The following CLEC4C variants were observed in gnomAD, a reference collection of about 807,000 sequenced individuals.
CLEC4C encodes C-type lectin domain family 4 member C.
Under a neutral mutation model 27.7 loss-of-function variants are expected in CLEC4C, and 17 were observed. That is an observed-to-expected ratio of 0.61 (90% CI 0.42 to 0.92). The LOEUF (loss-of-function observed/expected upper bound fraction) is 0.92. CLEC4C is among the 40% of genes least tolerant of loss of function. The pLI is 0.00. For missense variants in CLEC4C, 244 were observed against 257.3 expected (o/e 0.95, Z 0.35); for synonymous variants, 80 against 80.8 (o/e 0.99, Z 0.06).
At chr12:7,745,677 C>T (rs1342647096) in intron 2 of CLEC4C, among the ~76,000 whole-genome samples, 1 of 151,510 alleles carries the variant, frequency 6.6e-6, no homozygotes, top group Admixed American at 6.6e-5. Flanking sequence ...AGGTGATCTG[C>T]CTGCCTTGGC....
At chr12:7,746,028 A>C (rs1250933606) in intron 2 of CLEC4C, among the ~76,000 whole-genome samples, 1 of 151,576 alleles carries the variant, frequency 6.6e-6, no homozygotes, top group East Asian at 2.0e-4. Flanking sequence ...ACCCTGGCTA[A>C]CACAGTGAAA....
At chr12:7,745,580 G>A (rs1565464475) in intron 2 of CLEC4C, among the ~76,000 whole-genome samples, 1 of 151,370 alleles carries the variant, frequency 6.6e-6, no homozygotes, top group Non-Finnish European at 1.5e-5. Flanking sequence ...TTACAGGCGC[G>A]AGTCACTGCA....
chr12:7,745,406 T>C (rs1864949270), intron 2 of CLEC4C, among the ~76,000 whole-genome samples: 2 of 142,612 alleles, frequency 1.4e-5, no homozygotes, highest in Non-Finnish European at 3.0e-5. Flanking sequence ...ATCTGTTTTT[T>C]AACTCACTCA....
At chr12:7,741,363 C>A in intron 3 of CLEC4C, 58 bp downstream of exon 3, 1 of 940,376 alleles carries the variant, frequency 1.1e-6, no homozygotes, top group East Asian at 2.4e-5. Flanking sequence ...TATAAACCAT[C>A]AGACTAGGAA....
chr12:7,730,818 G>A lies in CLEC4C; in HGVS notation c.476C>T (p.Thr159Ile), dbSNP rs747496064. The change falls in exon 5 of 6, where the codon ACA becomes ATA. Residue 159 changes from threonine (T) to isoleucine (I), a missense_variant. Coordinates refer to ENST00000360345, the MANE Select transcript of CLEC4C (RefSeq NM_001371390.1). ...TCACGTGACATTTTCATTGTATGGTGTCTGGTCAACCCATTGCCAATGTCG... is the reference window on the plus strand; with the variant it reads ...TCACGTGACATTTTCATTGTATGGTATCTGGTCAACCCATTGCCAATGTCG... ...GRRHWQWVDQ[T>I]PYNENVTFWH... 6.3e-7 allele frequency: 1 copy of A among 1,595,688 alleles called. No individual in the cohort carries two copies. Among genetic ancestry groups the A allele is most frequent in the Non-Finnish European group, 8.6e-7 (1 of 1,163,566 alleles).
In CLEC4C at chr12:7,747,299, T is replaced by G. The variant is rs1330439875; in HGVS notation, c.31+19A>C. On this transcript the variant is annotated intron_variant, in intron 1 of 5. Coordinates refer to ENST00000360345, the MANE Select transcript of CLEC4C (RefSeq NM_001371390.1). ...CTGCTCCTACTACCTTCCCTAGAAC[T>G]GAGAAGATGAGTGCTTACCTCGGTC... 1.2e-6 allele frequency: 2 copies of G among 1,613,176 alleles called. No homozygotes were observed. The highest frequency in any genetic ancestry group is 3.3e-5 in the Admixed American group (2 of 60,012).
At position 7,739,515 on chromosome 12, in the gene CLEC4C, C is replaced by A. The variant is rs143230805; in HGVS notation, c.235+1906G>T. Among the ~76,000 whole-genome samples the A allele has an allele frequency of 3.5e-3, 530 of 152,162 alleles. 4 individuals carry two copies. Among genetic ancestry groups the A allele is most frequent in the African/African-American group, 0.012 (493 of 41,520 alleles). On this transcript the variant is annotated intron_variant, in intron 3 of 5. Transcript: ENST00000360345. Reference sequence around the variant, plus strand: ...TTTCTGGGGTGGAACTTGTCTCCCTCCGGCTCTGCATACGACGCTGTAGGC... The same window carrying A: ...TTTCTGGGGTGGAACTTGTCTCCCTACGGCTCTGCATACGACGCTGTAGGC...
At chr12:7,743,393 TTC>T (rs1356671521) in intron 2 of CLEC4C, among the ~76,000 whole-genome samples, 3 of 150,562 alleles carry the variant, frequency 2.0e-5, no homozygotes, top group African/African-American at 7.3e-5. Flanking sequence ...TTTTTTTTTT[TTC>T]TTTTTTTGAG....
intron 1 of CLEC4C, 139 bp from the exon 2 acceptor site, chr12:7,746,562 A>G (rs1486203455): frequency 3.3e-6 from 2 of 603,182 alleles, no homozygotes; most frequent in Non-Finnish European, 5.8e-6. Context: ...TGAAAGCAAA[A>G]AGAGATTATA....
upstream of CLEC4C, chr12:7,749,252 GCT>G (rs1865050492): frequency 6.6e-6 from 1 of 152,166 alleles, no homozygotes; most frequent in Admixed American, 6.6e-5. Flanking sequence ...GATGGGATTG[GCT>G]TCTTTAAAGA....
intron 4 of CLEC4C, among the ~76,000 whole-genome samples, chr12:7,732,749 T>C (rs1592089014): frequency 6.7e-6 from 1 of 150,260 alleles, no homozygotes; most frequent in South Asian, 2.1e-4. Context: ...GATCACGAGG[T>C]CAGGAGATCA....
chr12:7,747,168 G>C, intron 1 of CLEC4C, 150 bp downstream of exon 1: 1 of 752,668 alleles, frequency 1.3e-6, no homozygotes, highest in Non-Finnish European at 2.3e-6. Flanking sequence ...AAGTATCTTG[G>C]GTCCATACCT....
intron 2 of CLEC4C, among the ~76,000 whole-genome samples, chr12:7,746,124 C>A (rs188639932): frequency 1.4e-5 from 2 of 147,602 alleles, no homozygotes; most frequent in Non-Finnish European, 3.0e-5. Context: ...CTGAGGCAGG[C>A]GAATGGCATG....
upstream of CLEC4C, chr12:7,747,413 C>G: frequency 6.6e-7 from 1 of 1,522,512 alleles, no homozygotes; most frequent in Non-Finnish European, 9.1e-7. Flanking sequence ...GTATCACTTT[C>G]TCCAAAGATG....
At chr12:7,742,283 C>G (rs755545398) in intron 2 of CLEC4C, among the ~76,000 whole-genome samples, 1 of 151,760 alleles carries the variant, frequency 6.6e-6, no homozygotes, top group Admixed American at 6.6e-5. Flanking sequence ...GAGGCCAAGG[C>G]GGGTGGATCA....
rs753347700 is a variant in CLEC4C, at chr12:7,737,390, G to T, written c.381+39C>A. 1.8e-5 allele frequency: 27 copies of T among 1,510,294 alleles called. No homozygotes were observed. In the South Asian group the frequency reaches 3.5e-4, roughly 20 times the overall value. 93.6% of individuals were successfully genotyped at this position (1,510,294 alleles called of 1,614,324 possible). Reference sequence around the variant, plus strand: ...AAAGACTCTTTATCAGTTAAGAAAGGAAACAGATTAGCTGACCACCTTGCC... The same window carrying T: ...AAAGACTCTTTATCAGTTAAGAAAGTAAACAGATTAGCTGACCACCTTGCC... On this transcript the variant is annotated intron_variant, in intron 4 of 5. Transcript: ENST00000360345.
chr12:7,730,941 C>A, intron 4 of CLEC4C, 29 bp from the exon 5 acceptor site: 2 of 1,194,010 alleles, frequency 1.7e-6, no homozygotes, highest in South Asian at 1.2e-5. Context: ...AGAGTCATAG[C>A]TGATAGAGCA....
In CLEC4C at chr12:7,741,536, G is replaced by T. The variant is rs1565462867; in HGVS notation, c.125-5C>A. The T allele has an allele frequency of 3.4e-6, 5 of 1,487,276 alleles. No individual in the cohort carries two copies. The highest frequency in any genetic ancestry group is 4.7e-6 in the Non-Finnish European group (5 of 1,064,248). 92.1% of individuals were successfully genotyped at this position (1,487,276 alleles called of 1,614,324 possible). On this transcript the variant is annotated splice_region_variant and splice_polypyrimidine_tract_variant and intron_variant, in intron 2 of 5. Coordinates refer to ENST00000360345, the MANE Select transcript of CLEC4C (RefSeq NM_001371390.1). ...TATACATAAAATTGTGAGGCACTGG[G>T]AAAGAGAAATCGGAGTTAGTTCTCA...
rs1381237520 is a variant in CLEC4C, at chr12:7,738,243, C to A, written c.236-669G>T. On this transcript the variant is annotated intron_variant, in intron 3 of 5. Coordinates refer to ENST00000360345, the MANE Select transcript of CLEC4C (RefSeq NM_001371390.1). The stretch of plus-strand genomic sequence containing the variant: ...GGGAAAATTATATAACCACTCTAAG[C>A]CTTAAATATTTTTCTTTTCGTTTGT... Among the ~76,000 whole-genome samples, 11 of 152,264 alleles carry A rather than the reference C, an allele frequency of 7.2e-5. No homozygotes were observed. In the Middle Eastern group the frequency reaches 0.01, roughly 141 times the overall value.
Sources: gnomAD v4.1 joint callset for allele counts (sites outside exome capture counted in the v4.1 genomes callset) on GRCh38, gnomAD v4.1.1 for gene constraint, MANE v1.5 for transcripts, NCBI Gene and HGNC (gene_info 2026-07-23, HGNC 2026-07-21) for gene names.